The following EXOC8 variants were observed in gnomAD, a reference collection of about 807,000 sequenced individuals.
EXOC8 encodes exocyst complex 84 kDa subunit.
In EXOC8, 19 loss-of-function variants were observed where a neutral mutation model predicts 50.8. The observed-to-expected ratio is 0.37, with a 90% CI of 0.26 to 0.55. The LOEUF is 0.55. EXOC8 is among the 20% of genes least tolerant of loss of function. The pLI is 0.80. For synonymous variants in EXOC8, 384 were observed against 367.9 expected, an observed-to-expected ratio of 1.04 and a Z score of -0.50; for missense variants, 781 against 915.8, an observed-to-expected ratio of 0.85 and a Z score of 1.90.
rs375459948 is a variant in EXOC8 at position 231,336,579 on chromosome 1, C to T, written c.1167G>A (p.Gln389=). 6.2e-7 allele frequency: 1 copy of T among 1,614,126 alleles called. No individual in the cohort carries two copies. The change falls in exon 1 of 1, where the codon CAG becomes CAA. Residue 389 remains glutamine (Q), a synonymous_variant. Transcript: ENST00000366645. This position sits in a 1 kb window ranked among gnomAD's most constrained non-coding sequence, Gnocchi z 5.4. ...LRAKVEERVR[Q]LTEVLVFELS... ...GTTCGAAAACTAGCACCTCAGTGAG[C>T]TGTCGAACTCGCTCCTCCACTTTGG...
In EXOC8 at chr1:231,335,912, T is replaced by C; in HGVS notation, c.1834A>G (p.Asn612Asp). Residue 612 changes from asparagine (N) to aspartate (D), a missense_variant, in exon 1 of 1, where the codon AAC becomes GAC. Physicochemically the swap from Asn to Asp is conservative, Grantham distance 23. Transcript: ENST00000366645. ...AAAGCAACCACTGTGTAACTTAGGT[T>C]CACCCAGCAGTCATCCCCTGTGTAC... is the stretch of plus-strand genomic sequence containing the variant. ...EQYTGDDCWV[N>D]LSYTVVAFTK... 6.2e-7 allele frequency: 1 copy of C among 1,614,184 alleles called. No homozygotes were observed. Among genetic ancestry groups the C allele is most frequent in the Non-Finnish European group, 8.5e-7 (1 of 1,180,030 alleles).
In EXOC8 at chr1:231,337,755, G is replaced by A. The variant is rs774080978; in HGVS notation, c.-10C>T. On this transcript the variant is annotated 5_prime_UTR_variant, in exon 1 of 1. Transcript: ENST00000366645. The surrounding 1 kb of genome is among the most constrained non-coding windows in gnomAD (Gnocchi z 5.9). ...ACATCGCCATCGCCATTTCTCTCCG[G>A]GTCTCACGCACTCACTGTCACTATC... is the stretch of plus-strand genomic sequence containing the variant. 1 of 1,587,080 alleles carries A rather than the reference G, an allele frequency of 6.3e-7. No homozygotes were observed. The highest frequency in any genetic ancestry group is 1.1e-5 in the South Asian group (1 of 87,550).
chr1:231,336,117 G>T lies in EXOC8; in HGVS notation c.1629C>A (p.Ile543=). The change falls in exon 1 of 1, where the codon ATC becomes ATA. Residue 543 remains isoleucine, a synonymous_variant. Transcript: ENST00000366645. This position sits in a 1 kb window ranked among gnomAD's most constrained non-coding sequence, Gnocchi z 5.4. ...GGATGTCTTTCACCAGAAGGGCATG[G>T]ATGATGAAGGTGAGATCCAGTCCGA... The part of the protein sequence containing the change: ...GDIGLDLTFI[I]HALLVKDIQG... 6.2e-7 allele frequency: 1 copy of T among 1,614,198 alleles called. No individual in the cohort carries two copies.
rs375507618 is a variant in EXOC8, at chr1:231,336,854, G to C, written c.892C>G (p.Pro298Ala). 3.1e-6 allele frequency: 5 copies of C among 1,613,952 alleles called. No homozygotes were observed. Among genetic ancestry groups the C allele is most frequent in the Non-Finnish European group, 4.2e-6 (5 of 1,180,030 alleles). Residue 298 changes from proline to alanine, a missense_variant, in exon 1 of 1, where the codon CCT becomes GCT. Physicochemically the swap from Pro to Ala is conservative, Grantham distance 27 (BLOSUM62 -1). This residue lies in a region of EXOC8 where 700 missense variants were observed against 804.1 expected (regional missense o/e 0.87). Transcript: ENST00000366645. The surrounding 1 kb of genome is among the most constrained non-coding windows in gnomAD (Gnocchi z 5.4). ...RRREQEEAAAPRGPPQVTSKA... is the reference protein window; with the variant it reads ...RRREQEEAAAARGPPQVTSKA... ...GAAGTCACTTGGGGTGGCCCTCGAG[G>C]GGCCGCTGCCTCCTCCTGCTCCCTT... is the stretch of plus-strand genomic sequence containing the variant.
rs1307319143 is a variant in EXOC8 at position 231,336,799 on chromosome 1, T to G, written c.947A>C (p.Glu316Ala). 6.2e-7 allele frequency: 1 copy of G among 1,614,174 alleles called. No homozygotes were observed. Among genetic ancestry groups the G allele is most frequent in the South Asian group, 1.1e-5 (1 of 91,082 alleles). ...CTCAGGAACAGCTGGTTCTTCTTCTTCGTCATCCTCAAATGGGTTAGTGGC... is the reference window on the plus strand; with the variant it reads ...CTCAGGAACAGCTGGTTCTTCTTCTGCGTCATCCTCAAATGGGTTAGTGGC... ...SKATNPFEDDEEEEPAVPEVE... is the reference protein window; with the variant it reads ...SKATNPFEDDAEEEPAVPEVE... The change falls in exon 1 of 1, where the codon GAA becomes GCA. Residue 316 changes from glutamate (E) to alanine (A), a missense_variant. Coordinates refer to ENST00000366645, the MANE Select transcript of EXOC8 (RefSeq NM_175876.5). This position sits in a 1 kb window ranked among gnomAD's most constrained non-coding sequence, Gnocchi z 5.4.
In EXOC8 at chr1:231,335,763, A is replaced by G; in HGVS notation, c.1983T>C (p.Ser661=). The change falls in exon 1 of 1, where the codon AGT becomes AGC. Residue 661 remains serine, a synonymous_variant. Transcript: ENST00000366645. ...TCTCTGGATCCTGCTCACATCGAAGACTATAATCCACATGCTGAACAGCAA... is the reference window on the plus strand; with the variant it reads ...TCTCTGGATCCTGCTCACATCGAAGGCTATAATCCACATGCTGAACAGCAA... ...ILVAVQHVDY[S]LRCEQDPEKK... 3 of 1,614,174 alleles carry G rather than the reference A, an allele frequency of 1.9e-6. No homozygotes were observed. The highest frequency in any genetic ancestry group is 2.5e-6 in the Non-Finnish European group (3 of 1,180,034).
rs1686686937 is a variant in EXOC8 at position 231,336,785 on chromosome 1, C to G, written c.961G>C (p.Ala321Pro). 2 of 1,614,056 alleles carry G rather than the reference C, an allele frequency of 1.2e-6. No homozygotes were observed. The highest frequency in any genetic ancestry group is 2.7e-5 in the African/African-American group (2 of 74,914). Residue 321 changes from alanine (A) to proline (P), a missense_variant, in exon 1 of 1, where the codon GCT becomes CCT. Coordinates refer to ENST00000366645, the MANE Select transcript of EXOC8 (RefSeq NM_175876.5). The surrounding 1 kb of genome is among the most constrained non-coding windows in gnomAD (Gnocchi z 5.4). ...PFEDDEEEEP[A>P]VPEVEEEKVD... ...TTCTCTTCCTCTACCTCAGGAACAG[C>G]TGGTTCTTCTTCTTCGTCATCCTCA...
Position 231,336,342 on chromosome 1 carries a change from G to T in EXOC8, c.1404C>A (p.Leu468=). The T allele has an allele frequency of 6.2e-7, 1 of 1,614,006 alleles. No homozygotes were observed. Among genetic ancestry groups the T allele is most frequent in the Non-Finnish European group, 8.5e-7 (1 of 1,180,000 alleles). ...KLCHVFFTSL[L]ETAREFEIDF... is the part of the protein sequence containing the mutation. ...CGATCTCAAATTCTCTTGCAGTCTC[G>T]AGAAGGCTGGTAAAGAAGACATGGC... Residue 468 remains leucine, a synonymous_variant, in exon 1 of 1, where the codon CTC becomes CTA. Transcript: ENST00000366645. The surrounding 1 kb of genome is among the most constrained non-coding windows in gnomAD (Gnocchi z 5.4).
Position 231,333,000 on chromosome 1 carries a change from C to T in EXOC8, c.*2568G>A, listed in dbSNP as rs1446610805. ...AAATAAGGCTTTAACCAAAGCAAGA[C>T]TTAATGCCACAAGGTGTCTTTTTTC... is the stretch of plus-strand genomic sequence containing the variant. On this transcript the variant is annotated 3_prime_UTR_variant, in exon 1 of 1. Transcript: ENST00000366645. The T allele has an allele frequency of 6.6e-6, 1 of 152,118 alleles. No individual in the cohort carries two copies. Among genetic ancestry groups the T allele is most frequent in the Non-Finnish European group, 1.5e-5 (1 of 68,028 alleles). 9.4% of individuals were successfully genotyped at this position (152,118 alleles called of 1,614,324 possible).
chr1:231,336,202 A>C lies in EXOC8; in HGVS notation c.1544T>G (p.Leu515Arg), dbSNP rs542256403. The C allele has an allele frequency of 6.2e-7, 1 of 1,614,102 alleles. No individual in the cohort carries two copies. Among genetic ancestry groups the C allele is most frequent in the East Asian group, 2.2e-5 (1 of 44,880 alleles). The change falls in exon 1 of 1, where the codon CTC (leucine) becomes CGC (arginine). Residue 515 changes from leucine to arginine, a missense_variant. Leu to Arg is a moderately radical substitution (Grantham distance 102). Around this residue, in one of 3 missense-constraint regions of EXOC8, gnomAD observed 700 missense variants for 804.1 expected, o/e 0.87. Coordinates refer to ENST00000366645, the MANE Select transcript of EXOC8 (RefSeq NM_175876.5). The surrounding 1 kb of genome is among the most constrained non-coding windows in gnomAD (Gnocchi z 5.4). Reference sequence around the variant, plus strand: ...TTTTACACACTCAGCTGCTGTAGAGAGGCTCTCCTTACTATCAAACACCTG... The same window carrying C: ...TTTTACACACTCAGCTGCTGTAGAGCGGCTCTCCTTACTATCAAACACCTG... Reference protein sequence around the residue: ...SKQVFDSKESLSTAAECVKVA... With the variant: ...SKQVFDSKESRSTAAECVKVA...
rs1170603886 is a variant in EXOC8, at chr1:231,334,589, A to G, written c.*979T>C. 6.6e-6 allele frequency: 1 copy of G among 152,240 alleles called. No homozygotes were observed. The highest frequency in any genetic ancestry group is 1.5e-5 in the Non-Finnish European group (1 of 68,036). The allele number at this position is 152,240 out of a possible 1,614,324, so 9.4% of individuals were successfully genotyped here. On this transcript the variant is annotated 3_prime_UTR_variant, in exon 1 of 1. Transcript: ENST00000366645. ...AGCTGGAAACTCACACAATTTAGAA[A>G]TATGTTGAAAACTTTTATTATAGTC...
At position 231,336,090 on chromosome 1, in the gene EXOC8, T is replaced by C; in HGVS notation, c.1656A>G (p.Gln552=). Residue 552 remains glutamine, a synonymous_variant, in exon 1 of 1, where the codon CAA becomes CAG. Transcript: ENST00000366645. The surrounding 1 kb of genome is among the most constrained non-coding windows in gnomAD (Gnocchi z 5.4). ...IIHALLVKDI[Q]GALHSYKEII... is the part of the protein sequence containing the mutation. ...TTTCTTTGTAACTGTGCAAGGCCCC[T>C]TGGATGTCTTTCACCAGAAGGGCAT... 1 of 1,614,190 alleles carries C rather than the reference T, an allele frequency of 6.2e-7. No individual in the cohort carries two copies. Among genetic ancestry groups the C allele is most frequent in the South Asian group, 1.1e-5 (1 of 91,090 alleles).
In EXOC8 at chr1:231,336,473, T is replaced by A. The variant is rs1388499936; in HGVS notation, c.1273A>T (p.Thr425Ser). The change falls in exon 1 of 1, where the codon ACG becomes TCG. Residue 425 changes from threonine (T) to serine (S), a missense_variant. Thr to Ser is a moderately conservative substitution (Grantham distance 58). Around this residue, in one of 3 missense-constraint regions of EXOC8, gnomAD observed 700 missense variants for 804.1 expected, o/e 0.87. Transcript: ENST00000366645. This position sits in a 1 kb window ranked among gnomAD's most constrained non-coding sequence, Gnocchi z 5.4. ...VSQLIRLGQC[T>S]KACELFLRNR... ...CTCAAAAATAGCTCACAGGCCTTCG[T>A]GCACTGGCCCAGCCGGATCAGTTGC... 3 of 1,613,800 alleles carry A rather than the reference T, an allele frequency of 1.9e-6. No homozygotes were observed. Among genetic ancestry groups the A allele is most frequent in the Non-Finnish European group, 2.5e-6 (3 of 1,179,886 alleles).
Position 231,337,409 on chromosome 1 carries a change from C to G in EXOC8, c.337G>C (p.Gly113Arg). ...LTLLPAAAAA[G>R]AAAASGGEEG... Reference sequence around the variant, plus strand: ...TCCCCTCCAGAGGCGGCGGCGGCTCCGGCGGCAGCAGCGGCAGGCAGCAAC... The same window carrying G: ...TCCCCTCCAGAGGCGGCGGCGGCTCGGGCGGCAGCAGCGGCAGGCAGCAAC... Residue 113 changes from glycine to arginine, a missense_variant, in exon 1 of 1, where the codon GGA becomes CGA. Around this residue, in one of 3 missense-constraint regions of EXOC8, gnomAD observed 700 missense variants for 804.1 expected, o/e 0.87. Coordinates refer to ENST00000366645, the MANE Select transcript of EXOC8 (RefSeq NM_175876.5). The surrounding 1 kb of genome is among the most constrained non-coding windows in gnomAD (Gnocchi z 5.9). 1 of 1,605,744 alleles carries G rather than the reference C, an allele frequency of 6.2e-7. No homozygotes were observed. Among genetic ancestry groups the G allele is most frequent in the Non-Finnish European group, 8.5e-7 (1 of 1,179,568 alleles).
At position 231,335,514 on chromosome 1, in the gene EXOC8, AATAATAT is replaced by A; in HGVS notation, c.*47_*53del. 4 of 1,358,592 alleles carry A rather than the reference AATAATAT, an allele frequency of 2.9e-6. No individual in the cohort carries two copies. Among genetic ancestry groups the A allele is most frequent in the South Asian group, 2.2e-5 (1 of 45,616 alleles). The allele number at this position is 1,358,592 out of a possible 1,614,324, so 84.2% of individuals were successfully genotyped here. ...GCTAATACAACTTAATATAAATATAAATAATATATAAGCTCTCTCTCTGCATATATAC... is the reference window on the plus strand; with the variant it reads ...GCTAATACAACTTAATATAAATATAAATAAGCTCTCTCTCTGCATATATAC... On this transcript the variant is annotated 3_prime_UTR_variant, in exon 1 of 1. Coordinates refer to ENST00000366645, the MANE Select transcript of EXOC8 (RefSeq NM_175876.5).
Position 231,336,712 on chromosome 1 carries a change from T to C in EXOC8, c.1034A>G (p.Asp345Gly). ...EWIQELPEDLDVCIAQRDFEG... is the reference protein window; with the variant it reads ...EWIQELPEDLGVCIAQRDFEG... ...AAAGTCTCTCTGCGCAATGCAGACA[T>C]CCAGGTCTTCAGGTAACTCCTGGAT... Residue 345 changes from aspartate (D) to glycine (G), a missense_variant, in exon 1 of 1, where the codon GAT becomes GGT. Physicochemically the swap from Asp to Gly is moderately conservative, Grantham distance 94 (BLOSUM62 -1). Around this residue, in one of 3 missense-constraint regions of EXOC8, gnomAD observed 700 missense variants for 804.1 expected, o/e 0.87. Transcript: ENST00000366645. The surrounding 1 kb of genome is among the most constrained non-coding windows in gnomAD (Gnocchi z 5.4). 6.2e-7 allele frequency: 1 copy of C among 1,614,212 alleles called. No homozygotes were observed. The highest frequency in any genetic ancestry group is 1.1e-5 in the South Asian group (1 of 91,086).
Position 231,337,468 on chromosome 1 carries a change from T to C in EXOC8, c.278A>G (p.Glu93Gly). 6.2e-7 allele frequency: 1 copy of C among 1,611,948 alleles called. No homozygotes were observed. Among genetic ancestry groups the C allele is most frequent in the Non-Finnish European group, 8.5e-7 (1 of 1,179,886 alleles). ...GATGCTCTCCAGGCTGCTTTTCTGCTCGGTCAGCAAATGGCTGAGCTGGTA... is the reference window on the plus strand; with the variant it reads ...GATGCTCTCCAGGCTGCTTTTCTGCCCGGTCAGCAAATGGCTGAGCTGGTA... ...EMYQLSHLLT[E>G]QKSSLESIPL... The change falls in exon 1 of 1, where the codon GAG becomes GGG. Residue 93 changes from glutamate to glycine, a missense_variant. Glu to Gly is a moderately conservative substitution (Grantham distance 98). Transcript: ENST00000366645. This position sits in a 1 kb window ranked among gnomAD's most constrained non-coding sequence, Gnocchi z 5.9.
At position 231,335,841 on chromosome 1, in the gene EXOC8, A is replaced by C. The variant is rs368129378; in HGVS notation, c.1905T>G (p.Tyr635Ter). ...AAAGTACCATGTGCAGCTCTGGGAAATACAGCTTCAGGGCCTCTTCCAAGA... is the reference window on the plus strand; with the variant it reads ...AAAGTACCATGTGCAGCTCTGGGAACTACAGCTTCAGGGCCTCTTCCAAGA... ...MGFLEEALKL[Y>*]FPELHMVLLE... Residue 635 changes from tyrosine to a stop codon, truncating the protein, a stop_gained, in exon 1 of 1, where the codon TAT becomes TAG. Coordinates refer to ENST00000366645, the MANE Select transcript of EXOC8 (RefSeq NM_175876.5). LOFTEE classifies it high-confidence loss of function. The C allele has an allele frequency of 9.9e-6, 16 of 1,614,076 alleles. No homozygotes were observed. Among genetic ancestry groups the C allele is most frequent in the Non-Finnish European group, 1.3e-5 (15 of 1,180,038 alleles).
In EXOC8 at chr1:231,336,295, C is replaced by T. The variant is rs1481013404; in HGVS notation, c.1451G>A (p.Gly484Asp). 6.2e-7 allele frequency: 1 copy of T among 1,614,064 alleles called. No individual in the cohort carries two copies. Among genetic ancestry groups the T allele is most frequent in the Non-Finnish European group, 8.5e-7 (1 of 1,179,996 alleles). ...CCAGACCACAAAGGCAGAGTAGCAG[C>T]CGCTGTCAGTGCCTGCAAAATCGAT... The part of the protein sequence containing the change: ...FEIDFAGTDS[G>D]CYSAFVVWAR... The change falls in exon 1 of 1, where the codon GGC (glycine) becomes GAC (aspartate). Residue 484 changes from glycine to aspartate, a missense_variant. By Grantham distance (94) the Gly-to-Asp change is moderately conservative. Coordinates refer to ENST00000366645, the MANE Select transcript of EXOC8 (RefSeq NM_175876.5). The surrounding 1 kb of genome is among the most constrained non-coding windows in gnomAD (Gnocchi z 5.4).
Sources: allele counts gnomAD v4.1 joint callset, GRCh38; gene constraint gnomAD v4.1.1; regional missense constraint gnomAD v4.1.1; non-coding constraint Gnocchi (gnomAD v3.1); transcripts MANE v1.5; gene names NCBI Gene and HGNC (gene_info 2026-07-23, HGNC 2026-07-21).